The following CYGB variants were observed in gnomAD, a reference collection of about 807,000 sequenced individuals.
CYGB encodes cytoglobin.
CYGB carries 13 observed loss-of-function variants against 20.7 expected under a neutral mutation model. The observed-to-expected ratio is 0.63, with a 90% CI of 0.41 to 1.00. The LOEUF (loss-of-function observed/expected upper bound fraction) is 1.00. Among genes scored for constraint, CYGB ranks in the 50% least tolerant of loss-of-function variants. The pLI, the probability that CYGB is intolerant of heterozygous loss-of-function variation, is 0.00. For missense variants in CYGB, 218 were observed against 257.2 expected (o/e 0.85, Z 1.04); for synonymous variants, 93 against 107.4 (o/e 0.87, Z 0.83).
At chr17:76,539,936 G>A (rs974958604), upstream of CYGB, 12 of 608,810 alleles carry the variant, frequency 2.0e-5, no homozygotes, top group South Asian at 2.1e-4. Flanking sequence ...TACCGCTGGA[G>A]GGGAGAACCT....
rs1187636211 is a variant in CYGB at position 76,536,288 on chromosome 17, T to C, written c.143+1112A>G. Among the ~76,000 whole-genome samples the C allele has an allele frequency of 2.0e-5, 3 of 152,182 alleles. No individual in the cohort carries two copies. The East Asian group carries it at 5.8e-4, about 29-fold the overall frequency. ...TGGTGGAGCTGGGTCGGTCCCAGGC[T>C]TGGGAGAGGCCACAGGGAGAAGAAG... is the stretch of plus-strand genomic sequence containing the variant. On this transcript the variant is annotated intron_variant, in intron 1 of 3. Transcript: ENST00000293230.
At chr17:76,534,176 C>CTCTT (rs1555623595) in intron 1 of CYGB, among the ~76,000 whole-genome samples, 1 of 126,038 alleles carries the variant, frequency 7.9e-6, no homozygotes, top group Non-Finnish European at 1.7e-5. Flanking sequence ...CTCTCTCTCT[C>CTCTT]TTTCTTTCTT....
At position 76,533,832 on chromosome 17, in the gene CYGB, C is replaced by G. The variant is rs573833498; in HGVS notation, c.144-2141G>C. ...ATCACTTGAGGCCAGGAGTTTGAGA[C>G]CAGCCTGGGCAACATAGTGAGATCC... On this transcript the variant is annotated intron_variant, in intron 1 of 3. Transcript: ENST00000293230. This position sits in a 1 kb window ranked among gnomAD's most constrained non-coding sequence, Gnocchi z 4.5. 4.6e-5 allele frequency among the ~76,000 whole-genome samples: 7 copies of G among 152,078 alleles called. No individual in the cohort carries two copies. The highest frequency in any genetic ancestry group is 1.0e-4 in the Non-Finnish European group (7 of 68,006).
In CYGB at chr17:76,531,280, T is replaced by G; in HGVS notation, c.376-138A>C. The G allele has an allele frequency of 8.2e-7, 1 of 1,222,958 alleles. No homozygotes were observed. The highest frequency in any genetic ancestry group is 2.4e-5 in the Admixed American group (1 of 41,188). The allele number at this position is 1,222,958 out of a possible 1,614,324, so 75.8% of individuals were successfully genotyped here. A position where few individuals can be genotyped will look rare whatever the true frequency, so the allele number is the denominator to read the frequency against. On this transcript the variant is annotated intron_variant, in intron 2 of 3. Transcript: ENST00000293230. The surrounding 1 kb of genome is among the most constrained non-coding windows in gnomAD (Gnocchi z 7.4). ...TGGCAGCTTTGGGAACCCCGTGCTC[T>G]CAGGACAAGGGTTGCCCTGGACCCA...
intron 1 of CYGB, among the ~76,000 whole-genome samples, chr17:76,536,231 A>G (rs2074911918): frequency 6.6e-6 from 1 of 152,032 alleles, no homozygotes; most frequent in Admixed American, 6.5e-5. Context: ...TTCCTCCAAA[A>G]TCTGCTTCTG....
chr17:76,536,426 C>T (rs1459691134), intron 1 of CYGB, among the ~76,000 whole-genome samples: 3 of 152,166 alleles, frequency 2.0e-5, no homozygotes, highest in South Asian at 2.1e-4. Context: ...TAGATTTGAC[C>T]GCTTTCCTCT....
intron 1 of CYGB, among the ~76,000 whole-genome samples, chr17:76,549,223 C>T (rs1239408427): frequency 2.0e-5 from 3 of 152,168 alleles, no homozygotes; most frequent in East Asian, 1.9e-4. Flanking sequence ...ATCCGGAATA[C>T]ATAAAGAACT....
At chr17:76,535,501 G>A (rs1159889074) in intron 1 of CYGB, among the ~76,000 whole-genome samples, 2 of 152,112 alleles carry the variant, frequency 1.3e-5, no homozygotes, top group Non-Finnish European at 2.9e-5. Context: ...TGGGGCTTGG[G>A]CTGGCAGGGA....
At chr17:76,545,386 G>A in intron 1 of CYGB, 1 of 456,598 alleles carries the variant, frequency 2.2e-6, no homozygotes, top group Non-Finnish European at 4.4e-6. Context: ...CCCCACTGAG[G>A]CTGAGTCCTT....
At chr17:76,535,655 A>G (rs1171367111) in intron 1 of CYGB, among the ~76,000 whole-genome samples, 7 of 152,162 alleles carry the variant, frequency 4.6e-5, no homozygotes. Context: ...CCCCTCTAAG[A>G]GACAGGAGTG....
At chr17:76,541,481 C>T (rs973121802), upstream of CYGB, among the ~76,000 whole-genome samples, 8 of 152,144 alleles carry the variant, frequency 5.3e-5, no homozygotes, top group Non-Finnish European at 8.8e-5. Flanking sequence ...CAATGTGTCC[C>T]TTAGATATGC....
chr17:76,527,525 A>T lies in CYGB; in HGVS notation c.*1053T>A. 2.3e-6 allele frequency: 1 copy of T among 434,020 alleles called. No homozygotes were observed. The highest frequency in any genetic ancestry group is 4.7e-6 in the Non-Finnish European group (1 of 212,984). 26.9% of individuals were successfully genotyped at this position (434,020 alleles called of 1,614,324 possible). A position where few individuals can be genotyped will look rare whatever the true frequency, so the allele number is the denominator to read the frequency against. On this transcript the variant is annotated 3_prime_UTR_variant, in exon 4 of 4. Coordinates refer to ENST00000293230, the MANE Select transcript of CYGB (RefSeq NM_134268.5). ...CCACAGCAGCAAAACATCCTTGAAGACGACACACGTGACCAAGGGGCACAC... is the reference window on the plus strand; with the variant it reads ...CCACAGCAGCAAAACATCCTTGAAGTCGACACACGTGACCAAGGGGCACAC...
intron 1 of CYGB, among the ~76,000 whole-genome samples, chr17:76,535,345 G>A (rs1332803888): frequency 6.6e-6 from 1 of 152,172 alleles, no homozygotes; most frequent in African/African-American, 2.4e-5. Flanking sequence ...TGTTGTGTGT[G>A]GGAAGACAGG....
At chr17:76,532,775 G>A (rs1208849731) in intron 1 of CYGB, among the ~76,000 whole-genome samples, 1 of 152,060 alleles carries the variant, frequency 6.6e-6, no homozygotes. Context: ...GACCTCAGGC[G>A]ATCCGCCTGC....
chr17:76,538,850 C>T (rs2074954083), upstream of CYGB, among the ~76,000 whole-genome samples: 2 of 152,248 alleles, frequency 1.3e-5, no homozygotes, highest in South Asian at 4.1e-4. Flanking sequence ...CCCGGCGACC[C>T]CTGTCCTCGC....
rs1359836480 is a variant in CYGB, at chr17:76,530,222, G to A, written c.539+757C>T. On this transcript the variant is annotated intron_variant, in intron 3 of 3. Transcript: ENST00000293230. This position sits in a 1 kb window ranked among gnomAD's most constrained non-coding sequence, Gnocchi z 6.1. ...TCCTTCCTACTCCAGCCCTGCCTCCGCCTCTCCATTCAGCTCCCAGAGTCA... is the reference window on the plus strand; with the variant it reads ...TCCTTCCTACTCCAGCCCTGCCTCCACCTCTCCATTCAGCTCCCAGAGTCA... Among the ~76,000 whole-genome samples, 1 of 151,998 alleles carries A rather than the reference G, an allele frequency of 6.6e-6. No homozygotes were observed. Among genetic ancestry groups the A allele is most frequent in the Admixed American group, 6.6e-5 (1 of 15,266 alleles).
In CYGB at chr17:76,531,513, G is replaced by C; in HGVS notation, c.322C>G (p.Leu108Val). The C allele has an allele frequency of 1.2e-6, 2 of 1,613,748 alleles. No individual in the cohort carries two copies. The highest frequency in any genetic ancestry group is 2.2e-5 in the South Asian group (2 of 91,088). Residue 108 changes from leucine to valine, a missense_variant, in exon 2 of 4, where the codon CTT becomes GTT. Leu to Val is a conservative substitution (Grantham distance 32). This residue lies in a region of CYGB where 152 missense variants were observed against 149.9 expected (regional missense o/e 1.01). Transcript: ENST00000293230. The surrounding 1 kb of genome is among the most constrained non-coding windows in gnomAD (Gnocchi z 7.4). ...DPDKVSSVLA[L>V]VGKAHALKHK... Reference sequence around the variant, plus strand: ...TTGAGGGCGTGGGCTTTCCCCACAAGGGCGAGCACAGAGGACACCTTGTCG... The same window carrying C: ...TTGAGGGCGTGGGCTTTCCCCACAACGGCGAGCACAGAGGACACCTTGTCG...
chr17:76,534,580 C>T (rs760561571), intron 1 of CYGB, among the ~76,000 whole-genome samples: 8 of 152,346 alleles, frequency 5.3e-5, no homozygotes, highest in South Asian at 4.1e-4. Flanking sequence ...TACGATCTCA[C>T]GAATCCTTGC....
intron 1 of CYGB, among the ~76,000 whole-genome samples, chr17:76,547,857 A>C (rs1392628288): frequency 6.6e-6 from 1 of 151,628 alleles, no homozygotes; most frequent in Non-Finnish European, 1.5e-5. Flanking sequence ...ACACACAGAC[A>C]TACACATATA....
Sources: allele counts gnomAD v4.1 joint callset (sites outside exome capture counted in the v4.1 genomes callset), GRCh38; gene constraint gnomAD v4.1.1; regional missense constraint gnomAD v4.1.1; non-coding constraint Gnocchi (gnomAD v3.1); transcripts MANE v1.5; gene names NCBI Gene and HGNC (gene_info 2026-07-23, HGNC 2026-07-21).